PLEKHM2: variants seen among roughly 807,000 people sequenced by gnomAD.
PLEKHM2 encodes the protein pleckstrin homology domain-containing family M member 2.
A neutral mutation model predicts 116.3 loss-of-function variants in PLEKHM2; 77 were observed. The ratio of observed to expected loss-of-function variants is 0.66; its 90% CI spans 0.55 to 0.80. PLEKHM2 has a LOEUF of 0.80. PLEKHM2 is among the 30% of genes least tolerant of loss of function. PLEKHM2 has a pLI of 0.00. For missense variants in PLEKHM2, 1,183 were observed against 1,354.9 expected (o/e 0.87, Z 1.99); for synonymous variants, 562 against 571.0 (o/e 0.98, Z 0.22).
chr1:15,727,587 G>A lies in PLEKHM2; in HGVS notation c.1515G>A (p.Glu505=), dbSNP rs779799765. Residue 505 remains glutamate (E), a synonymous_variant, in exon 9 of 20, where the codon GAG becomes GAA. Coordinates refer to ENST00000375799, the MANE Select transcript of PLEKHM2 (RefSeq NM_015164.4). This position sits in a 1 kb window ranked among gnomAD's most constrained non-coding sequence, Gnocchi z 7.5. ...SSPEAAGQEE[E]GGGGEGQTPR... ...CTGAGGCTGCTGGCCAAGAAGAAGA[G>A]GGAGGAGGAGGAGAGGGACAGACGC... is the stretch of plus-strand genomic sequence containing the variant. 8.2e-6 allele frequency: 13 copies of A among 1,579,154 alleles called. No individual in the cohort carries two copies. Among genetic ancestry groups the A allele is most frequent in the Non-Finnish European group, 1.1e-5 (13 of 1,163,164 alleles).
chr1:15,708,549 A>G (rs751387613), intron 1 of PLEKHM2, among the ~76,000 whole-genome samples: 2 of 152,106 alleles, frequency 1.3e-5, no homozygotes, highest in African/African-American at 4.8e-5. Context: ...ATTCCCCTAA[A>G]ACGTATTAGG....
chr1:15,725,898 A>T, intron 8 of PLEKHM2: 1 of 299,626 alleles, frequency 3.3e-6, no homozygotes, highest in Non-Finnish European at 6.4e-6. Context: ...GAGTGGAGAG[A>T]GAGCTCTCTA....
chr1:15,720,618 A>C (rs2067984147), intron 6 of PLEKHM2: 1 of 307,392 alleles, frequency 3.3e-6, no homozygotes, highest in African/African-American at 2.3e-5. Flanking sequence ...AGAGCCCTTC[A>C]TTTACTTCAC....
intron 1 of PLEKHM2, among the ~76,000 whole-genome samples, chr1:15,705,477 C>T (rs934275213): frequency 6.6e-6 from 1 of 152,054 alleles, no homozygotes; most frequent in East Asian, 1.9e-4. Flanking sequence ...CCACTGTGCC[C>T]GGCCTCCACA....
chr1:15,705,141 C>CTGTGTCCT (rs1392290829), intron 1 of PLEKHM2, among the ~76,000 whole-genome samples: 1 of 147,248 alleles, frequency 6.8e-6, no homozygotes, highest in East Asian at 2.0e-4. Context: ...ATTTCCACAG[C>CTGTGTCCT]TGTGTCCTTG....
chr1:15,704,431 C>T (rs35951086), intron 1 of PLEKHM2, among the ~76,000 whole-genome samples: 30,178 of 151,820 alleles, frequency 0.2, 3,186 homozygotes, highest in African/African-American at 0.25. Context: ...GTATCATCAC[C>T]GGACAGTCTA....
chr1:15,728,528 C>G lies in PLEKHM2; in HGVS notation c.1922-141C>G. 1.0e-6 allele frequency: 1 copy of G among 970,074 alleles called. No individual in the cohort carries two copies. Among genetic ancestry groups the G allele is most frequent in the East Asian group, 2.6e-5 (1 of 38,262 alleles). 60.1% of individuals were successfully genotyped at this position (970,074 alleles called of 1,614,324 possible). A position where few individuals can be genotyped will look rare whatever the true frequency, so the allele number is the denominator to read the frequency against. ...CCCTGAGACGTGAGCCTGGGGCTCC[C>G]TCTGTGAGCACTCCACGCCATTCTC... On this transcript the variant is annotated intron_variant, in intron 11 of 19. Coordinates refer to ENST00000375799, the MANE Select transcript of PLEKHM2 (RefSeq NM_015164.4). This position sits in a 1 kb window ranked among gnomAD's most constrained non-coding sequence, Gnocchi z 5.9.
In PLEKHM2 at chr1:15,727,210, A is replaced by G. The variant is rs1175592065; in HGVS notation, c.1138A>G (p.Ser380Gly). ...CCCCCAGGAGGAGGGAGAGGGGCCG[A>G]GCAGCACCACGGAGAGCAGCGAGCG... ...ASPQEEGEGPSSTTESSERSE... is the reference protein window; with the variant it reads ...ASPQEEGEGPGSTTESSERSE... Residue 380 changes from serine (S) to glycine (G), a missense_variant, in exon 9 of 20, where the codon AGC (serine) becomes GGC (glycine). Coordinates refer to ENST00000375799, the MANE Select transcript of PLEKHM2 (RefSeq NM_015164.4). This position sits in a 1 kb window ranked among gnomAD's most constrained non-coding sequence, Gnocchi z 7.5. 1 of 1,607,362 alleles carries G rather than the reference A, an allele frequency of 6.2e-7. No homozygotes were observed. The highest frequency in any genetic ancestry group is 1.1e-5 in the South Asian group (1 of 89,906).
chr1:15,733,974 G>C lies in PLEKHM2; in HGVS notation c.*40G>C, dbSNP rs780125685. 1 of 1,590,192 alleles carries C rather than the reference G, an allele frequency of 6.3e-7. No individual in the cohort carries two copies. The highest frequency in any genetic ancestry group is 1.1e-5 in the South Asian group (1 of 89,108). On this transcript the variant is annotated 3_prime_UTR_variant, in exon 20 of 20. Coordinates refer to ENST00000375799, the MANE Select transcript of PLEKHM2 (RefSeq NM_015164.4). ...GCGTCCCTGGTGGGCAGGAAAGGAA[G>C]GCACGCCAGCCGGCAGGCACACTGT...
At chr1:15,722,068 G>C (rs575052241) in intron 7 of PLEKHM2, among the ~76,000 whole-genome samples, 2 of 152,250 alleles carry the variant, frequency 1.3e-5, no homozygotes, top group Non-Finnish European at 2.9e-5. Context: ...CAAAGCAAAG[G>C]CTATGTTGCC....
At chr1:15,733,654 G>T in intron 19 of PLEKHM2, 143 bp from the exon 20 acceptor site, 1 of 870,378 alleles carries the variant, frequency 1.1e-6, no homozygotes, top group Non-Finnish European at 1.8e-6. Flanking sequence ...AACTAGCAGC[G>T]TGGAAGATGT....
chr1:15,689,047 G>A (rs1407451466), intron 1 of PLEKHM2, among the ~76,000 whole-genome samples: 1 of 152,020 alleles, frequency 6.6e-6, no homozygotes, highest in Non-Finnish European at 1.5e-5. Context: ...TCAGGAGATC[G>A]AGACCGGCCT....
At chr1:15,699,001 G>A (rs556950269) in intron 1 of PLEKHM2, among the ~76,000 whole-genome samples, 4 of 152,166 alleles carry the variant, frequency 2.6e-5, no homozygotes, top group Non-Finnish European at 2.9e-5. Flanking sequence ...AGGCTATGGT[G>A]CAGTGGAACC....
upstream of PLEKHM2, chr1:15,681,635 G>C (rs538551507): frequency 6.5e-6 from 3 of 460,850 alleles, no homozygotes; most frequent in East Asian, 2.0e-4. Flanking sequence ...GTTGGGGCCT[G>C]TATGCACCCT....
At chr1:15,717,707 G>T (rs1366890522) in intron 3 of PLEKHM2, among the ~76,000 whole-genome samples, 186 bp from the exon 4 acceptor site, 1 of 152,218 alleles carries the variant, frequency 6.6e-6, no homozygotes, top group Non-Finnish European at 1.5e-5. Flanking sequence ...TTCCTGGCCA[G>T]CTACATGCTG....
chr1:15,689,630 C>G (rs1251949242), intron 1 of PLEKHM2, among the ~76,000 whole-genome samples: 1 of 151,516 alleles, frequency 6.6e-6, no homozygotes, highest in Non-Finnish European at 1.5e-5. Flanking sequence ...AGAGAACACA[C>G]TTACAGCACT....
chr1:15,694,788 C>T (rs1640960027), intron 1 of PLEKHM2, among the ~76,000 whole-genome samples: 1 of 150,316 alleles, frequency 6.7e-6, no homozygotes, highest in Non-Finnish European at 1.5e-5. Context: ...GACAGAGTCT[C>T]ACTCTGTTGC....
At position 15,730,454 on chromosome 1, in the gene PLEKHM2, AAAG is replaced by A. The variant is rs2068124591; in HGVS notation, c.2209-75_2209-73del. The A allele has an allele frequency of 2.4e-6, 3 of 1,242,834 alleles. No homozygotes were observed. The East Asian group carries it at 7.8e-5, about 32-fold the overall frequency. The allele number at this position is 1,242,834 out of a possible 1,614,324, so 77.0% of individuals were successfully genotyped here. On this transcript the variant is annotated intron_variant, in intron 14 of 19. Transcript: ENST00000375799. ...GAGACTCCATCTCAAAAAGAAAAAA[AAAG>A]AACCAGTCCGGGCTCAGCCACCTGC...
rs1429363454 is a variant in PLEKHM2, at chr1:15,719,941, A to C, written c.652+21A>C. 1.9e-6 allele frequency: 3 copies of C among 1,595,532 alleles called. No homozygotes were observed. The Admixed American group carries it at 5.1e-5, about 27-fold the overall frequency. ...TGAGGGTGAGTGGCCCCAGGGCAGA[A>C]AAGCTAAGCCCCTGTTGTGAAACAG... On this transcript the variant is annotated intron_variant, in intron 6 of 19. Transcript: ENST00000375799. The surrounding 1 kb of genome is among the most constrained non-coding windows in gnomAD (Gnocchi z 4.1).
Sources: allele counts gnomAD v4.1 joint callset (sites outside exome capture counted in the v4.1 genomes callset), GRCh38; gene constraint gnomAD v4.1.1; non-coding constraint Gnocchi (gnomAD v3.1); transcripts MANE v1.5; gene names NCBI Gene and HGNC (gene_info 2026-07-23, HGNC 2026-07-21).